The following TFAP2E variants were observed in gnomAD, a reference collection of about 807,000 sequenced individuals.
TFAP2E encodes the protein transcription factor AP-2 epsilon, also known as transcription factor AP-2-epsilon.
A neutral mutation model predicts 37.9 loss-of-function variants in TFAP2E; 30 were observed. That is an observed-to-expected ratio of 0.79 (90% CI 0.59 to 1.07). TFAP2E has a LOEUF of 1.07. TFAP2E is among the 50% of genes least tolerant of loss of function. TFAP2E has a pLI of 0.00. For synonymous variants in TFAP2E, 318 were observed against 295.8 expected (o/e 1.08, Z -0.77); for missense variants, 567 against 637.9 (o/e 0.89, Z 1.20).
At position 35,577,459 on chromosome 1, in the gene TFAP2E, C is replaced by G. The variant is rs772771461; in HGVS notation, c.562+2459C>G. On this transcript the variant is annotated intron_variant, in intron 3 of 6. Coordinates refer to ENST00000373235, the MANE Select transcript of TFAP2E (RefSeq NM_178548.4). This position sits in a 1 kb window ranked among gnomAD's most constrained non-coding sequence, Gnocchi z 6.3. ...TGCCCCACAGACCTTCGGCCTCCGC[C>G]GAGTGCGGTACTGGAGCCTGCCCCG... 2.2e-6 allele frequency: 1 copy of G among 456,774 alleles called. No individual in the cohort carries two copies. The highest frequency in any genetic ancestry group is 1.5e-5 in the South Asian group (1 of 64,572). 28.3% of individuals were successfully genotyped at this position (456,774 alleles called of 1,614,324 possible).
At chr1:35,591,544 G>A (rs1477575679) in intron 6 of TFAP2E, among the ~76,000 whole-genome samples, 2 of 152,118 alleles carry the variant, frequency 1.3e-5, no homozygotes, top group Non-Finnish European at 1.5e-5. Flanking sequence ...ACCCCAGAGC[G>A]TCCCTGTTTC....
chr1:35,590,262 GACCT>G lies in TFAP2E; in HGVS notation c.904+217_904+220del, dbSNP rs1649619188. ...CATGTGTGCATGCATGTGCAATGGA[GACCT>G]ACTTGCAGTGTGCGGATGTGTATGT... On this transcript the variant is annotated intron_variant, in intron 5 of 6. Coordinates refer to ENST00000373235, the MANE Select transcript of TFAP2E (RefSeq NM_178548.4). The surrounding 1 kb of genome is among the most constrained non-coding windows in gnomAD (Gnocchi z 6.2). 6.6e-6 allele frequency among the ~76,000 whole-genome samples: 1 copy of G among 152,160 alleles called. No homozygotes were observed. The highest frequency in any genetic ancestry group is 2.1e-4 in the South Asian group (1 of 4,834).
At position 35,574,156 on chromosome 1, in the gene TFAP2E, G is replaced by C. The variant is rs1402341664; in HGVS notation, c.257G>C (p.Gly86Ala). 7 of 1,432,704 alleles carry C rather than the reference G, an allele frequency of 4.9e-6. No individual in the cohort carries two copies. Among genetic ancestry groups the C allele is most frequent in the Non-Finnish European group, 6.4e-6 (7 of 1,093,352 alleles). The allele number at this position is 1,432,704 out of a possible 1,614,324, so 88.7% of individuals were successfully genotyped here. ...CACCTGGCAGGGGACCCATATGGCGGCCTGGCGCCCCTGGCGCAGCCGCAG... is the reference window on the plus strand; with the variant it reads ...CACCTGGCAGGGGACCCATATGGCGCCCTGGCGCCCCTGGCGCAGCCGCAG... ...FPHLAGDPYG[G>A]LAPLAQPQPP... The change falls in exon 2 of 7, where the codon GGC becomes GCC. Residue 86 changes from glycine to alanine, a missense_variant. By Grantham distance (60) the Gly-to-Ala change is moderately conservative. Around this residue, in one of 3 missense-constraint regions of TFAP2E, gnomAD observed 312 missense variants for 317.4 expected, o/e 0.98. Coordinates refer to ENST00000373235, the MANE Select transcript of TFAP2E (RefSeq NM_178548.4).
rs1236507494 is a variant in TFAP2E at position 35,590,299 on chromosome 1, G to GGTGTGGGT, written c.904+265_904+272dup. ...GTGTGCGGATGTGTATGTGGGTGTG[G>GGTGTGGGT]GTGTGGGTGTGTGGGTGTGTGTGTT... is the stretch of plus-strand genomic sequence containing the variant. On this transcript the variant is annotated intron_variant, in intron 5 of 6. Coordinates refer to ENST00000373235, the MANE Select transcript of TFAP2E (RefSeq NM_178548.4). This position sits in a 1 kb window ranked among gnomAD's most constrained non-coding sequence, Gnocchi z 6.2. Among the ~76,000 whole-genome samples, 2 of 151,998 alleles carry GGTGTGGGT rather than the reference G, an allele frequency of 1.3e-5. No individual in the cohort carries two copies. The highest frequency in any genetic ancestry group is 2.4e-5 in the African/African-American group (1 of 41,366).
At chr1:35,579,578 A>G (rs1465968804) in intron 3 of TFAP2E, among the ~76,000 whole-genome samples, 1 of 151,696 alleles carries the variant, frequency 6.6e-6, no homozygotes, top group African/African-American at 2.4e-5. Context: ...TATTTTTAGT[A>G]GGGGCGTGGT....
At position 35,573,865 on chromosome 1, in the gene TFAP2E, T is replaced by C; in HGVS notation, c.28-62T>C. ...AACCCTCCCGAGCTGAGGAGGATCC[T>C]TTCAGGCTGGGGTCCTTTCAGCTGC... On this transcript the variant is annotated intron_variant, in intron 1 of 6. Coordinates refer to ENST00000373235, the MANE Select transcript of TFAP2E (RefSeq NM_178548.4). The surrounding 1 kb of genome is among the most constrained non-coding windows in gnomAD (Gnocchi z 5.9). The C allele has an allele frequency of 1.4e-6, 2 of 1,408,760 alleles. No homozygotes were observed. Among genetic ancestry groups the C allele is most frequent in the Non-Finnish European group, 1.8e-6 (2 of 1,089,798 alleles). 87.3% of individuals were successfully genotyped at this position (1,408,760 alleles called of 1,614,324 possible). A position where few individuals can be genotyped will look rare whatever the true frequency, so the allele number is the denominator to read the frequency against.
Position 35,577,889 on chromosome 1 carries a change from A to G in TFAP2E, c.562+2889A>G, listed in dbSNP as rs189403380. On this transcript the variant is annotated intron_variant, in intron 3 of 6. Transcript: ENST00000373235. This position sits in a 1 kb window ranked among gnomAD's most constrained non-coding sequence, Gnocchi z 6.3. ...GGGCTGAGGCCGACCCTAGGAGTAT[A>G]AGGGAGCCCTCCATTTCCTGCCCAC... Among the ~76,000 whole-genome samples the G allele has an allele frequency of 1.1e-4, 17 of 152,302 alleles. No individual in the cohort carries two copies. Among genetic ancestry groups the G allele is most frequent in the African/African-American group, 3.4e-4 (14 of 41,572 alleles).
At chr1:35,594,308 T>C (rs1005616153) in intron 6 of TFAP2E, 86 bp from the exon 7 acceptor site, 17 of 1,513,948 alleles carry the variant, frequency 1.1e-5, no homozygotes, top group African/African-American at 2.8e-5. Flanking sequence ...GTGTAGCTAA[T>C]GTCTGTAAAA....
Position 35,573,874 on chromosome 1 carries a change from G to T in TFAP2E, c.28-53G>T. ...GAGCTGAGGAGGATCCTTTCAGGCT[G>T]GGGTCCTTTCAGCTGCCAGTGGGTC... On this transcript the variant is annotated intron_variant, in intron 1 of 6. Coordinates refer to ENST00000373235, the MANE Select transcript of TFAP2E (RefSeq NM_178548.4). The surrounding 1 kb of genome is among the most constrained non-coding windows in gnomAD (Gnocchi z 5.9). The T allele has an allele frequency of 2.8e-6, 4 of 1,420,238 alleles. No homozygotes were observed. The highest frequency in any genetic ancestry group is 2.7e-6 in the Non-Finnish European group (3 of 1,096,702). The allele number at this position is 1,420,238 out of a possible 1,614,324, so 88.0% of individuals were successfully genotyped here.
intron 6 of TFAP2E, among the ~76,000 whole-genome samples, chr1:35,591,418 C>T (rs1219095151): frequency 2.6e-5 from 4 of 152,156 alleles, no homozygotes; most frequent in South Asian, 4.2e-4. Flanking sequence ...GCTCCAGTGA[C>T]GTCCATCAGG....
rs2148544115 is a variant in TFAP2E, at chr1:35,574,065, C to T, written c.166C>T (p.Pro56Ser). 6.7e-7 allele frequency: 1 copy of T among 1,482,388 alleles called. No homozygotes were observed. Among genetic ancestry groups the T allele is most frequent in the Non-Finnish European group, 8.9e-7 (1 of 1,121,108 alleles). 91.8% of individuals were successfully genotyped at this position (1,482,388 alleles called of 1,614,324 possible). A position where few individuals can be genotyped will look rare whatever the true frequency, so the allele number is the denominator to read the frequency against. Residue 56 changes from proline to serine, a missense_variant, in exon 2 of 7, where the codon CCG (proline) becomes TCG (serine). Physicochemically the swap from Pro to Ser is moderately conservative, Grantham distance 74. Transcript: ENST00000373235. Reference protein sequence around the residue: ...AAAEFQPPYFPPPYPQPPLPY... With the variant: ...AAAEFQPPYFSPPYPQPPLPY... The stretch of plus-strand genomic sequence containing the variant: ...CGCCGAATTCCAGCCGCCCTACTTC[C>T]CGCCGCCCTACCCGCAGCCACCGCT...
intron 3 of TFAP2E, among the ~76,000 whole-genome samples, chr1:35,583,014 T>C (rs1296200875): frequency 6.6e-6 from 1 of 152,100 alleles, no homozygotes; most frequent in Non-Finnish European, 1.5e-5. Context: ...GCGATTCTCC[T>C]GCCTCAGCCT....
At position 35,573,633 on chromosome 1, in the gene TFAP2E, C is replaced by T. The variant is rs373178023; in HGVS notation, c.27+29C>T. 23 of 1,537,952 alleles carry T rather than the reference C, an allele frequency of 1.5e-5. No homozygotes were observed. In the African/African-American group the frequency reaches 2.2e-4, roughly 15 times the overall value. ...AGTAGTCTCGGGCCCGGGACATATT[C>T]GGCCGGGGGATCGGGGCGCCTGAGT... On this transcript the variant is annotated intron_variant, in intron 1 of 6. Transcript: ENST00000373235. This position sits in a 1 kb window ranked among gnomAD's most constrained non-coding sequence, Gnocchi z 5.9.
At chr1:35,585,912 G>A (rs1465235932) in intron 3 of TFAP2E, among the ~76,000 whole-genome samples, 1 of 152,044 alleles carries the variant, frequency 6.6e-6, no homozygotes, top group Non-Finnish European at 1.5e-5. Context: ...ACCCAGGCAT[G>A]GTGGCACGCA....
intron 3 of TFAP2E, among the ~76,000 whole-genome samples, chr1:35,579,241 C>T (rs1414730065): frequency 1.3e-5 from 2 of 151,204 alleles, no homozygotes; most frequent in African/African-American, 4.9e-5. Flanking sequence ...ACTAAAAATA[C>T]AAAAATTAGC....
rs148540474 is a variant in TFAP2E, at chr1:35,589,961, C to A, written c.817C>A (p.Arg273=). 4.3e-6 allele frequency: 7 copies of A among 1,613,820 alleles called. No individual in the cohort carries two copies. Among genetic ancestry groups the A allele is most frequent in the Admixed American group, 1.7e-5 (1 of 59,986 alleles). The change falls in exon 5 of 7, where the codon CGG becomes AGG. Residue 273 remains arginine (R), a synonymous_variant. Coordinates refer to ENST00000373235, the MANE Select transcript of TFAP2E (RefSeq NM_178548.4). The stretch of plus-strand genomic sequence containing the variant: ...GTCCAAAAATGGGGGCCGGTGTTTG[C>A]GGGAACGGTTAGAGAAGATTGGGCT... The part of the protein sequence containing the change: ...AKSKNGGRCL[R]ERLEKIGLNL...
chr1:35,588,193 G>T lies in TFAP2E; in HGVS notation c.563-137G>T. 1.3e-6 allele frequency: 1 copy of T among 795,680 alleles called. No individual in the cohort carries two copies. The highest frequency in any genetic ancestry group is 2.0e-5 in the South Asian group (1 of 50,296). The allele number at this position is 795,680 out of a possible 1,614,324, so 49.3% of individuals were successfully genotyped here. On this transcript the variant is annotated intron_variant, in intron 3 of 6. Transcript: ENST00000373235. This position sits in a 1 kb window ranked among gnomAD's most constrained non-coding sequence, Gnocchi z 5.1. ...TCAGTCTCTGAGTTCACATCCATCA[G>T]TTGAGGGAACTTGGGCGAGTCACTT...
Position 35,574,384 on chromosome 1 carries a change from C to A in TFAP2E, c.485C>A (p.Ala162Glu). The change falls in exon 2 of 7, where the codon GCG (alanine) becomes GAG (glutamate). Residue 162 changes from alanine (A) to glutamate (E), a missense_variant. Coordinates refer to ENST00000373235, the MANE Select transcript of TFAP2E (RefSeq NM_178548.4). ...DAPLGLPGLA[A>E]APGLEDLQAM... ...CCTCTCGGCCTTCCGGGGCTGGCGG[C>A]GGCCCCCGGTCTGGAGGACCTGCAG... 1 of 1,435,594 alleles carries A rather than the reference C, an allele frequency of 7.0e-7. No individual in the cohort carries two copies. Among genetic ancestry groups the A allele is most frequent in the Non-Finnish European group, 9.0e-7 (1 of 1,106,472 alleles). 88.9% of individuals were successfully genotyped at this position (1,435,594 alleles called of 1,614,324 possible).
At chr1:35,581,212 GAAAC>G (rs1649341642) in intron 3 of TFAP2E, among the ~76,000 whole-genome samples, 2 of 152,134 alleles carry the variant, frequency 1.3e-5, no homozygotes, top group Non-Finnish European at 2.9e-5. Flanking sequence ...GCAATAAAAA[GAAAC>G]AAACTATTAT....
Sources: gnomAD v4.1 joint callset for allele counts (sites outside exome capture counted in the v4.1 genomes callset) on GRCh38, gnomAD v4.1.1 for gene constraint, gnomAD v4.1.1 regional missense constraint, Gnocchi (gnomAD v3.1) non-coding constraint, MANE v1.5 for transcripts, NCBI Gene and HGNC (gene_info 2026-07-23, HGNC 2026-07-21) for gene names.